MYO5A: variants seen among roughly 807,000 people sequenced by gnomAD.
The protein encoded by MYO5A is myosin VA, also known as unconventional myosin-Va.
Under a neutral mutation model 249.7 loss-of-function variants are expected in MYO5A, and 98 were observed. The ratio of observed to expected loss-of-function variants is 0.39; its 90% CI spans 0.33 to 0.46. The LOEUF (loss-of-function observed/expected upper bound fraction) is 0.46, where lower values mean the gene tolerates loss of function less well. MYO5A is among the 20% of genes least tolerant of loss of function. The pLI, the probability that MYO5A is intolerant of heterozygous loss-of-function variation, is 0.98. For synonymous variants in MYO5A, 778 were observed against 810.6 expected, an observed-to-expected ratio of 0.96 and a Z score of 0.68; for missense variants, 1,696 against 2,308.8, an observed-to-expected ratio of 0.73 and a Z score of 5.44.
chr15:52,448,938 TTTTTC>T (rs2075953797), intron 1 of MYO5A, among the ~76,000 whole-genome samples: 1 of 150,774 alleles, frequency 6.6e-6, no homozygotes, highest in Non-Finnish European at 1.5e-5. Flanking sequence ...TTCTTTTTTT[TTTTTC>T]TTTTCTTGTC....
chr15:52,527,143 G>A (rs542395842), intron 1 of MYO5A, among the ~76,000 whole-genome samples: 95 of 152,350 alleles, frequency 6.2e-4, no homozygotes, highest in African/African-American at 2.3e-3. Context: ...GGACAAACTT[G>A]ATGTAGAAGT....
At chr15:52,382,778 C>T (rs1324062929) in intron 16 of MYO5A, among the ~76,000 whole-genome samples, 3 of 152,148 alleles carry the variant, frequency 2.0e-5, no homozygotes, top group African/African-American at 7.2e-5. Flanking sequence ...CTGGTTCCAC[C>T]TAATGCCCAA....
At chr15:52,326,335 G>GC (rs1442551428) in intron 36 of MYO5A, among the ~76,000 whole-genome samples, 2 of 152,144 alleles carry the variant, frequency 1.3e-5, no homozygotes, top group African/African-American at 4.8e-5. Flanking sequence ...CTAAGAAGTA[G>GC]CAAAACTTAT....
chr15:52,342,783 G>A (rs1014456394), intron 31 of MYO5A, among the ~76,000 whole-genome samples: 1 of 151,882 alleles, frequency 6.6e-6, no homozygotes, highest in Non-Finnish European at 1.5e-5. Context: ...AGGCATGTTG[G>A]TGCACGCCTG....
chr15:52,315,989 C>T lies in MYO5A; in HGVS notation c.5409+1059G>A, dbSNP rs574491940. The stretch of plus-strand genomic sequence containing the variant: ...GTGGCTCACGCCTGTAATCCCAACA[C>T]TTTGGGAGGCTGAGGCGGGTGGATC... On this transcript the variant is annotated intron_variant, in intron 40 of 41. Coordinates refer to ENST00000399233, the MANE Select transcript of MYO5A (RefSeq NM_001382347.1). Among the ~76,000 whole-genome samples the T allele has an allele frequency of 3.3e-5, 5 of 151,992 alleles. No homozygotes were observed. The South Asian group carries it at 1.0e-3, about 32-fold the overall frequency.
At chr15:52,523,522 G>C (rs2077666648) in intron 1 of MYO5A, among the ~76,000 whole-genome samples, 1 of 152,146 alleles carries the variant, frequency 6.6e-6, no homozygotes, top group South Asian at 2.1e-4. Context: ...GCATGTCAGG[G>C]GGCTTAGAGT....
intron 36 of MYO5A, among the ~76,000 whole-genome samples, chr15:52,325,277 C>G (rs1275387915): frequency 2.6e-5 from 4 of 152,158 alleles, no homozygotes; most frequent in Non-Finnish European, 4.4e-5. Context: ...ATAGTCCCAG[C>G]TGGATGTAAC....
upstream of MYO5A, chr15:52,528,971 G>A (rs879787795): frequency 1.6e-3 from 591 of 376,430 alleles, 1 homozygote; most frequent in Admixed American, 2.3e-3. Flanking sequence ...GGGCGCCTCA[G>A]GCGCTGGCCG....
intron 15 of MYO5A, among the ~76,000 whole-genome samples, 162 bp downstream of exon 15, chr15:52,383,999 G>A (rs995400664): frequency 2.6e-5 from 4 of 152,216 alleles, no homozygotes; most frequent in African/African-American, 9.7e-5. Context: ...TCTAAAACTG[G>A]GTGGAGAAGA....
At chr15:52,468,431 G>A (rs2076393810) in intron 1 of MYO5A, among the ~76,000 whole-genome samples, 1 of 152,252 alleles carries the variant, frequency 6.6e-6, no homozygotes, top group African/African-American at 2.4e-5. Context: ...GCTGAGGTGG[G>A]AGTACTGCTT....
intron 9 of MYO5A, among the ~76,000 whole-genome samples, chr15:52,398,102 A>ACCC (rs879260788): frequency 6.6e-6 from 1 of 152,016 alleles, no homozygotes; most frequent in Non-Finnish European, 1.5e-5. Context: ...TTGAAGCTGA[A>ACCC]TGAGGGAGAA....
chr15:52,400,705 A>G (rs967112951), intron 9 of MYO5A, among the ~76,000 whole-genome samples: 7 of 152,064 alleles, frequency 4.6e-5, no homozygotes, highest in Non-Finnish European at 7.4e-5. Flanking sequence ...GTGGTGTTGC[A>G]CTCTGCTCAG....
chr15:52,528,799 G>A lies in MYO5A; in HGVS notation c.8C>T (p.Ala3Val). 2 of 1,495,178 alleles carry A rather than the reference G, an allele frequency of 1.3e-6. No individual in the cohort carries two copies. Among genetic ancestry groups the A allele is most frequent in the Non-Finnish European group, 8.9e-7 (1 of 1,128,626 alleles). The allele number at this position is 1,495,178 out of a possible 1,614,324, so 92.6% of individuals were successfully genotyped here. A position where few individuals can be genotyped will look rare whatever the true frequency, so the allele number is the denominator to read the frequency against. MA[A>V]SELYTKFARV... is the part of the protein sequence containing the mutation. Reference sequence around the variant, plus strand: ...CCTTACCTTTGTGTAGAGCTCCGACGCAGCCATGGCGGGCCCCGCGCGCCT... The same window carrying A: ...CCTTACCTTTGTGTAGAGCTCCGACACAGCCATGGCGGGCCCCGCGCGCCT... Residue 3 changes from alanine (A) to valine (V), a missense_variant, in exon 1 of 42, where the codon GCG becomes GTG. This residue lies in a region of MYO5A where 197 missense variants were observed against 320.3 expected (regional missense o/e 0.62). Coordinates refer to ENST00000399233, the MANE Select transcript of MYO5A (RefSeq NM_001382347.1).
chr15:52,499,849 A>G (rs532961234), intron 1 of MYO5A, among the ~76,000 whole-genome samples: 6 of 152,188 alleles, frequency 3.9e-5, no homozygotes, highest in Non-Finnish European at 8.8e-5. Context: ...GTATATTCCC[A>G]GAAGTGAGAT....
At chr15:52,405,675 C>T (rs1251658326) in intron 8 of MYO5A, among the ~76,000 whole-genome samples, 3 of 152,106 alleles carry the variant, frequency 2.0e-5, no homozygotes, top group Non-Finnish European at 2.9e-5. Context: ...CTTCAGTATT[C>T]TATGCTTCCA....
intron 1 of MYO5A, among the ~76,000 whole-genome samples, chr15:52,527,685 A>T (rs1363735372): frequency 6.6e-6 from 1 of 152,222 alleles, no homozygotes; most frequent in Non-Finnish European, 1.5e-5. Context: ...CCAAGGTCAC[A>T]GTTAGTAAGT....
intron 1 of MYO5A, among the ~76,000 whole-genome samples, chr15:52,490,682 G>GA (rs1192184595): frequency 6.6e-6 from 1 of 152,142 alleles, no homozygotes; most frequent in Non-Finnish European, 1.5e-5. Context: ...TTTGCAAGAT[G>GA]AAGAGTTTTA....
intron 1 of MYO5A, among the ~76,000 whole-genome samples, chr15:52,507,804 C>CAAAAAAAAAA (rs57445300): frequency 1.9e-5 from 2 of 102,966 alleles, no homozygotes; most frequent in African/African-American, 6.8e-5. Context: ...ACCCTGTCCC[C>CAAAAAAAAAA]AAAAAAAAAA....
chr15:52,335,813 G>A (rs1415571922), intron 34 of MYO5A, among the ~76,000 whole-genome samples: 1 of 151,830 alleles, frequency 6.6e-6, no homozygotes, highest in Non-Finnish European at 1.5e-5. Flanking sequence ...AGTTCTTTGA[G>A]GACAGACTCT....
Sources: allele counts gnomAD v4.1 joint callset (sites outside exome capture counted in the v4.1 genomes callset), GRCh38; gene constraint gnomAD v4.1.1; regional missense constraint gnomAD v4.1.1; transcripts MANE v1.5; gene names NCBI Gene and HGNC (gene_info 2026-07-23, HGNC 2026-07-21).